WWOX: variants seen among roughly 807,000 people sequenced by gnomAD.
WWOX encodes WW domain-containing oxidoreductase.
A neutral mutation model predicts 46.2 loss-of-function variants in WWOX; 69 were observed. That is an observed-to-expected ratio of 1.49 (90% CI 1.23 to 1.82). WWOX has a LOEUF of 1.82. WWOX is among the 40% of genes most tolerant of loss of function. The pLI, the probability that WWOX is intolerant of heterozygous loss-of-function variation, is 0.00. For missense variants in WWOX, 919 were observed against 542.6 expected, an observed-to-expected ratio of 1.69 and a Z score of -6.89; for synonymous variants, 359 against 202.6, an observed-to-expected ratio of 1.77 and a Z score of -6.56.
At chr16:78,322,423 C>A (rs190366624) in intron 5 of WWOX, among the ~76,000 whole-genome samples, 1 of 152,154 alleles carries the variant, frequency 6.6e-6, no homozygotes, top group African/African-American at 2.4e-5. Context: ...TGTTCGTGAT[C>A]GCCAGGATCA....
intron 8 of WWOX, among the ~76,000 whole-genome samples, chr16:78,955,019 G>A (rs564303929): frequency 2.6e-5 from 4 of 152,234 alleles, no homozygotes; most frequent in Admixed American, 2.6e-4. Flanking sequence ...CAAACTCCTG[G>A]CTTCAAGTGA....
chr16:78,479,710 G>T (rs1015192189), intron 8 of WWOX, among the ~76,000 whole-genome samples: 1 of 152,144 alleles, frequency 6.6e-6, no homozygotes, highest in Non-Finnish European at 1.5e-5. Flanking sequence ...GGGAACAAGG[G>T]CCAGGACACG....
intron 6 of WWOX, among the ~76,000 whole-genome samples, chr16:78,390,636 G>A (rs2082156772): frequency 6.6e-6 from 1 of 152,156 alleles, no homozygotes; most frequent in Non-Finnish European, 1.5e-5. Flanking sequence ...AATCTCTCTT[G>A]GATAGGCAGA....
chr16:78,707,632 C>T (rs1216184201), intron 8 of WWOX, among the ~76,000 whole-genome samples: 2 of 152,038 alleles, frequency 1.3e-5, no homozygotes, highest in Non-Finnish European at 2.9e-5. Context: ...CCTGTAATCC[C>T]AGGGCTTTGG....
chr16:78,810,209 A>C (rs577551390), intron 8 of WWOX, among the ~76,000 whole-genome samples: 25 of 152,252 alleles, frequency 1.6e-4, no homozygotes, highest in African/African-American at 5.8e-4. Flanking sequence ...TCAAAACTAC[A>C]CTGAAAATTT....
chr16:78,545,188 G>A lies in WWOX; in HGVS notation c.1056+112436G>A, dbSNP rs558604796. On this transcript the variant is annotated intron_variant, in intron 8 of 8. Coordinates refer to ENST00000566780, the MANE Select transcript of WWOX (RefSeq NM_016373.4). ...TAACTGCCCTCCCACTGGTACCACT[G>A]TGGCCAGGGAGTGACTGCAAGGGTC... is the stretch of plus-strand genomic sequence containing the variant. Among the ~76,000 whole-genome samples the A allele has an allele frequency of 1.7e-4, 26 of 152,250 alleles. 1 individual carries two copies. In the South Asian group the frequency reaches 5.4e-3, roughly 32 times the overall value.
intron 8 of WWOX, among the ~76,000 whole-genome samples, chr16:78,969,449 C>G (rs1459791518): frequency 6.6e-6 from 1 of 151,830 alleles, no homozygotes; most frequent in Non-Finnish European, 1.5e-5. Flanking sequence ...TTTTGTATTT[C>G]TAGTACAGAC....
chr16:78,181,538 G>T (rs919978408), intron 5 of WWOX, among the ~76,000 whole-genome samples: 1 of 152,180 alleles, frequency 6.6e-6, no homozygotes, highest in Non-Finnish European at 1.5e-5. Flanking sequence ...AGGCCGGAGC[G>T]GGTGGCACAC....
chr16:78,908,434 G>A (rs907313964), intron 8 of WWOX, among the ~76,000 whole-genome samples: 1 of 151,904 alleles, frequency 6.6e-6, no homozygotes, highest in African/African-American at 2.4e-5. Context: ...TAGCTAGTCG[G>A]GAGGCAGAGG....
At chr16:79,049,813 C>T (rs534171748) in intron 8 of WWOX, among the ~76,000 whole-genome samples, 24 of 141,194 alleles carry the variant, frequency 1.7e-4, no homozygotes, top group Non-Finnish European at 3.0e-4. Context: ...CCAGCCTGGC[C>T]GACAGAGTGA....
chr16:78,205,869 C>T (rs925305258), intron 5 of WWOX, among the ~76,000 whole-genome samples: 4 of 151,668 alleles, frequency 2.6e-5, no homozygotes, highest in South Asian at 2.1e-4. Context: ...TCCTTCCTTC[C>T]GTCCTCCCTT....
rs903167073 is a variant in WWOX, at chr16:79,159,272, C to T, written c.1057-52336C>T. Among the ~76,000 whole-genome samples, 10 of 152,320 alleles carry T rather than the reference C, an allele frequency of 6.6e-5. 1 individual carries two copies. Among genetic ancestry groups the T allele is most frequent in the Middle Eastern group, 3.4e-3 (1 of 294 alleles). On this transcript the variant is annotated intron_variant, in intron 8 of 8. Coordinates refer to ENST00000566780, the MANE Select transcript of WWOX (RefSeq NM_016373.4). ...CCCACCTAATCTCATTCGGTGCATA[C>T]GCAGCTCACCGTGTGATTTCCAACA...
intron 8 of WWOX, among the ~76,000 whole-genome samples, chr16:78,750,493 T>C (rs1352095822): frequency 6.6e-6 from 1 of 152,222 alleles, no homozygotes; most frequent in Non-Finnish European, 1.5e-5. Context: ...TTATTTTTTA[T>C]TTTTTGTTTC....
chr16:78,155,738 C>T (rs1260371309), intron 4 of WWOX, among the ~76,000 whole-genome samples: 1 of 152,178 alleles, frequency 6.6e-6, no homozygotes, highest in African/African-American at 2.4e-5. Context: ...CCATTGCCTT[C>T]ATTATTTTGC....
In WWOX at chr16:78,315,451, C is replaced by T. The variant is rs1054776707; in HGVS notation, c.517-71409C>T. Among the ~76,000 whole-genome samples the T allele has an allele frequency of 2.0e-5, 3 of 151,968 alleles. No individual in the cohort carries two copies. The East Asian group carries it at 5.8e-4, about 30-fold the overall frequency. On this transcript the variant is annotated intron_variant, in intron 5 of 8. Transcript: ENST00000566780. ...ATCACTTGAGGTTAGGAGTTCGAGA[C>T]CAGCCCGGCCAACATGGTGAGACCC...
chr16:78,103,242 G>GTT (rs74264852), intron 1 of WWOX, among the ~76,000 whole-genome samples: 155 of 142,618 alleles, frequency 1.1e-3, no homozygotes, highest in African/African-American at 3.9e-3. Flanking sequence ...TGGCTCCGCT[G>GTT]TTTTTTTTTT....
Position 78,581,929 on chromosome 16 carries a change from C to G in WWOX, c.1056+149177C>G, listed in dbSNP as rs186027892. Among the ~76,000 whole-genome samples the G allele has an allele frequency of 4.1e-3, 619 of 152,264 alleles. 7 individuals are homozygous for G. Among genetic ancestry groups the G allele is most frequent in the South Asian group, 0.029 (138 of 4,822 alleles). ...AGATGACCTTAAAGTATCTGACCCC[C>G]AAATCTAATCACTCCTAGCATCTGT... On this transcript the variant is annotated intron_variant, in intron 8 of 8. Transcript: ENST00000566780.
intron 8 of WWOX, among the ~76,000 whole-genome samples, chr16:79,045,072 T>C (rs2048040289): frequency 6.6e-6 from 1 of 152,208 alleles, no homozygotes; most frequent in African/African-American, 2.4e-5. Context: ...CTCCTGTCAA[T>C]CTCTCCAAAT....
intron 5 of WWOX, among the ~76,000 whole-genome samples, chr16:78,308,556 CA>C: frequency 6.6e-6 from 1 of 152,128 alleles, no homozygotes; most frequent in Non-Finnish European, 1.5e-5. Context: ...TATTTTACCC[CA>C]AAATATATTT....
Sources: gnomAD v4.1 joint callset for allele counts (sites outside exome capture counted in the v4.1 genomes callset) on GRCh38, gnomAD v4.1.1 for gene constraint, MANE v1.5 for transcripts, NCBI Gene and HGNC (gene_info 2026-07-23, HGNC 2026-07-21) for gene names.